The following AFF1 variants were observed in gnomAD, a reference collection of about 807,000 sequenced individuals.
AFF1 encodes the protein AF4/FMR2 family member 1.
Under a neutral mutation model 121.7 loss-of-function variants are expected in AFF1, and 48 were observed. That is an observed-to-expected ratio of 0.39 (90% confidence interval 0.31 to 0.50). AFF1 has a LOEUF of 0.50. AFF1 is among the 20% of genes least tolerant of loss of function. The probability of loss-of-function intolerance (pLI) is 0.76; values close to 1 mark genes in which losing one functional copy is unlikely to be tolerated. For synonymous variants in AFF1, 613 were observed against 563.0 expected (o/e 1.09, Z -1.26); for missense variants, 1,523 against 1,511.7 (o/e 1.01, Z -0.12).
chr4:87,046,031 TC>T, intron 2 of AFF1, 134 bp from the exon 3 acceptor site: 1 of 1,112,558 alleles, frequency 9.0e-7, no homozygotes, highest in Non-Finnish European at 1.3e-6. Flanking sequence ...ACTTAGGCTT[TC>T]TTTAAATCAC....
In AFF1 at chr4:87,131,177, A is replaced by G. The variant is rs1274352311; in HGVS notation, c.3059A>G (p.Lys1020Arg). The change falls in exon 17 of 21, where the codon AAG becomes AGG. Residue 1020 changes from lysine (K) to arginine (R), a missense_variant. Physicochemically the swap from Lys to Arg is conservative, Grantham distance 26. This residue lies in a region of AFF1 where 241 missense variants were observed against 265.2 expected (regional missense o/e 0.91). Coordinates refer to ENST00000395146, the MANE Select transcript of AFF1 (RefSeq NM_001166693.3). ...ACAGAGTCTGAAAGCCAGTCATCCA[A>G]GTCAGCTTACTCTGTCTACTCAGAA... is the stretch of plus-strand genomic sequence containing the variant. ...IATESESQSS[K>R]SAYSVYSETV... 1 of 1,614,230 alleles carries G rather than the reference A, an allele frequency of 6.2e-7. No individual in the cohort carries two copies. Among genetic ancestry groups the G allele is most frequent in the East Asian group, 2.2e-5 (1 of 44,888 alleles).
intron 12 of AFF1, among the ~76,000 whole-genome samples, chr4:87,118,589 C>T (rs959832180): frequency 6.6e-6 from 1 of 152,122 alleles, no homozygotes; most frequent in African/African-American, 2.4e-5. Flanking sequence ...GCTCACCAAC[C>T]TCAAACTCCT....
intron 2 of AFF1, among the ~76,000 whole-genome samples, chr4:87,004,810 C>T (rs1282913253): frequency 6.6e-6 from 1 of 152,120 alleles, no homozygotes; most frequent in Non-Finnish European, 1.5e-5. Flanking sequence ...TAAAGAAAAT[C>T]CAACTTCACA....
chr4:87,102,398 T>C (rs954223072), intron 8 of AFF1, among the ~76,000 whole-genome samples: 3 of 151,382 alleles, frequency 2.0e-5, no homozygotes, highest in African/African-American at 7.3e-5. Flanking sequence ...GTCTCTCTCT[T>C]GGTGGGTTCT....
At chr4:86,950,269 C>T (rs886240596) in intron 2 of AFF1, among the ~76,000 whole-genome samples, 12 of 152,162 alleles carry the variant, frequency 7.9e-5, no homozygotes, top group African/African-American at 2.9e-4. Flanking sequence ...ACCTCTGCCT[C>T]CCGGGTTCAA....
intron 1 of AFF1, among the ~76,000 whole-genome samples, chr4:86,942,403 C>G (rs960168788): frequency 1.3e-5 from 2 of 152,164 alleles, no homozygotes; most frequent in Non-Finnish European, 2.9e-5. Context: ...AAGCAATAAA[C>G]ATTTATTTAT....
chr4:87,004,770 T>TA (rs368937507), intron 2 of AFF1, among the ~76,000 whole-genome samples: 3 of 152,224 alleles, frequency 2.0e-5, no homozygotes, highest in African/African-American at 7.2e-5. Flanking sequence ...TCTATTCAAT[T>TA]TGTTGCAATG....
chr4:86,938,793 CACCAT>C (rs1168320948), intron 1 of AFF1, among the ~76,000 whole-genome samples: 2 of 152,236 alleles, frequency 1.3e-5, no homozygotes, highest in Non-Finnish European at 2.9e-5. Context: ...ATAGACTTGA[CACCAT>C]GAGACCCCAA....
At chr4:87,000,603 CTCTGTG>C (rs1434766706) in intron 2 of AFF1, among the ~76,000 whole-genome samples, 23 of 76,752 alleles carry the variant, frequency 3.0e-4, no homozygotes, top group Non-Finnish European at 3.7e-4. Context: ...AAAAAATAAA[CTCTGTG>C]TGTGTGTGTG....
In AFF1 at chr4:87,029,381, C is replaced by T. The variant is rs149866216; in HGVS notation, c.39-16785C>T. ...GGTTTAACGTTATGAAGACTGTCAACCTGTTTCCTCCTTACACTGTCAGCC... is the reference window on the plus strand; with the variant it reads ...GGTTTAACGTTATGAAGACTGTCAATCTGTTTCCTCCTTACACTGTCAGCC... On this transcript the variant is annotated intron_variant, in intron 2 of 20. Coordinates refer to ENST00000395146, the MANE Select transcript of AFF1 (RefSeq NM_001166693.3). Among the ~76,000 whole-genome samples, 67 of 152,298 alleles carry T rather than the reference C, an allele frequency of 4.4e-4. No individual in the cohort carries two copies. In the East Asian group the frequency reaches 0.01, roughly 24 times the overall value.
intron 2 of AFF1, among the ~76,000 whole-genome samples, chr4:87,008,936 A>T (rs1045705166): frequency 6.6e-6 from 1 of 152,084 alleles, no homozygotes; most frequent in Non-Finnish European, 1.5e-5. Context: ...TAGTGCTGTT[A>T]TTGTCAGACT....
intron 2 of AFF1, among the ~76,000 whole-genome samples, chr4:87,012,757 C>T (rs556006422): frequency 6.6e-6 from 1 of 152,212 alleles, no homozygotes; most frequent in Non-Finnish European, 1.5e-5. Context: ...ACTTTTGGTG[C>T]TAATGCCCCA....
intron 16 of AFF1, among the ~76,000 whole-genome samples, chr4:87,128,581 A>G (rs1351244625): frequency 6.6e-6 from 1 of 152,180 alleles, no homozygotes; most frequent in Non-Finnish European, 1.5e-5. Flanking sequence ...AAACCTAACT[A>G]CACATTTCAG....
At chr4:87,021,618 T>C (rs531803316) in intron 2 of AFF1, among the ~76,000 whole-genome samples, 1 of 152,324 alleles carries the variant, frequency 6.6e-6, no homozygotes, top group East Asian at 1.9e-4. Flanking sequence ...TTTAGAATCT[T>C]TTTTTGTAGT....
intron 5 of AFF1, among the ~76,000 whole-genome samples, chr4:87,087,176 A>G (rs143652997): frequency 6.6e-5 from 10 of 152,368 alleles, no homozygotes; most frequent in East Asian, 3.9e-4. Context: ...TGCTAGTACA[A>G]TGAGTGGTAG....
chr4:86,986,079 T>G (rs532828843), intron 2 of AFF1, among the ~76,000 whole-genome samples: 7 of 150,356 alleles, frequency 4.7e-5, no homozygotes, highest in Admixed American at 1.3e-4. Flanking sequence ...TTAATTTAAT[T>G]TAATGTAATT....
Position 87,131,180 on chromosome 4 carries a change from C to T in AFF1, c.3062C>T (p.Ser1021Leu). The change falls in exon 17 of 21, where the codon TCA becomes TTA. Residue 1021 changes from serine to leucine, a missense_variant. By Grantham distance (145) the Ser-to-Leu change is moderately radical (BLOSUM62 -2). Coordinates refer to ENST00000395146, the MANE Select transcript of AFF1 (RefSeq NM_001166693.3). ...GAGTCTGAAAGCCAGTCATCCAAGT[C>T]AGCTTACTCTGTCTACTCAGAAACT... ...ATESESQSSKSAYSVYSETVD... is the reference protein window; with the variant it reads ...ATESESQSSKLAYSVYSETVD... The T allele has an allele frequency of 1.9e-6, 3 of 1,614,242 alleles. No individual in the cohort carries two copies. The highest frequency in any genetic ancestry group is 1.3e-5 in the African/African-American group (1 of 75,062).
intron 2 of AFF1, among the ~76,000 whole-genome samples, chr4:86,958,218 C>T (rs543570370): frequency 1.8e-4 from 28 of 151,368 alleles, no homozygotes; most frequent in Admixed American, 1.4e-3. Context: ...CTCAGCCTCC[C>T]GAGTAGCTGA....
intron 2 of AFF1, among the ~76,000 whole-genome samples, chr4:87,044,346 A>G (rs1445595481): frequency 6.6e-6 from 1 of 152,232 alleles, no homozygotes; most frequent in Non-Finnish European, 1.5e-5. Flanking sequence ...AAAGTATTTA[A>G]TGATTAGCTT....
Sources: allele counts gnomAD v4.1 joint callset (sites outside exome capture counted in the v4.1 genomes callset), GRCh38; gene constraint gnomAD v4.1.1; regional missense constraint gnomAD v4.1.1; transcripts MANE v1.5; gene names NCBI Gene and HGNC (gene_info 2026-07-23, HGNC 2026-07-21).